Variants in RASEF observed in about 807,000 individuals in gnomAD.
RASEF encodes ras and EF-hand domain-containing protein.
A neutral mutation model predicts 90.1 loss-of-function variants in RASEF; 68 were observed. The observed-to-expected ratio is 0.75, with a 90% CI of 0.62 to 0.92. The LOEUF (loss-of-function observed/expected upper bound fraction) is 0.92, where lower values mean the gene tolerates loss of function less well. RASEF is among the 40% of genes least tolerant of loss of function. The pLI is 0.00. For missense variants in RASEF, 949 were observed against 937.2 expected (o/e 1.01, Z -0.16); for synonymous variants, 331 against 345.2 (o/e 0.96, Z 0.46).
Position 83,015,855 on chromosome 9 carries a change from A to T in RASEF, c.715T>A (p.Tyr239Asn). 6.2e-7 allele frequency: 1 copy of T among 1,614,054 alleles called. No homozygotes were observed. The change falls in exon 4 of 17, where the codon TAT becomes AAT. Residue 239 changes from tyrosine to asparagine, a missense_variant. Physicochemically the swap from Tyr to Asn is moderately radical, Grantham distance 143. This residue lies in a region of RASEF where 656 missense variants were observed against 592.2 expected (regional missense o/e 1.11). Coordinates refer to ENST00000376447, the MANE Select transcript of RASEF (RefSeq NM_152573.4). ...EEALSDLRRQ[Y>N]ETEVGDLQVT... is the part of the protein sequence containing the mutation. ...TGCAGATCTCCTACTTCAGTTTCAT[A>T]CTGACGTCTGAGGTCACTGAGGGCT... is the stretch of plus-strand genomic sequence containing the variant.
chr9:83,015,737 G>A (rs1829331486), intron 4 of RASEF, 68 bp downstream of exon 4: 2 of 1,120,606 alleles, frequency 1.8e-6, no homozygotes, highest in Non-Finnish European at 2.7e-6. Flanking sequence ...AATGTTTTTG[G>A]TTGTTAATGG....
chr9:83,045,666 C>T (rs1416293587), intron 1 of RASEF, among the ~76,000 whole-genome samples: 2 of 152,224 alleles, frequency 1.3e-5, no homozygotes, highest in African/African-American at 4.8e-5. Context: ...GCTGGAGCTT[C>T]CCATGAGTTC....
At chr9:83,001,369 TA>T (rs1034489263) in intron 9 of RASEF, among the ~76,000 whole-genome samples, 5 of 152,036 alleles carry the variant, frequency 3.3e-5, no homozygotes, top group Non-Finnish European at 5.9e-5. Flanking sequence ...ACAAAGCCAT[TA>T]AAAAAATAAT....
chr9:83,185,216 A>G, the RASEF span, among the ~76,000 whole-genome samples: 1 of 152,174 alleles, frequency 6.6e-6, no homozygotes. Flanking sequence ...TGCTTCGAAG[A>G]CAAAGCAAGA....
At chr9:83,154,979 A>T in the RASEF span, among the ~76,000 whole-genome samples, 1 of 152,234 alleles carries the variant, frequency 6.6e-6, no homozygotes, top group African/African-American at 2.4e-5. Context: ...GTCTAGCCTC[A>T]TCTACCAGCC....
the RASEF span, among the ~76,000 whole-genome samples, chr9:83,179,279 T>C: frequency 6.6e-6 from 1 of 152,122 alleles, no homozygotes; most frequent in Non-Finnish European, 1.5e-5. Flanking sequence ...ACACCTACCA[T>C]ACTTGAGAAC....
At chr9:83,185,387 A>C in the RASEF span, among the ~76,000 whole-genome samples, 2 of 146,956 alleles carry the variant, frequency 1.4e-5, no homozygotes, top group African/African-American at 5.0e-5. Flanking sequence ...TGGAGACCCT[A>C]CGGTGCTCAG....
chr9:83,152,905 C>T, the RASEF span, among the ~76,000 whole-genome samples: 1 of 152,294 alleles, frequency 6.6e-6, no homozygotes, highest in East Asian at 1.9e-4. Context: ...TAGCCACAGA[C>T]ACCCCTTCTA....
intron 1 of RASEF, among the ~76,000 whole-genome samples, chr9:83,055,957 C>T (rs753537551): frequency 1.3e-5 from 2 of 152,164 alleles, no homozygotes; most frequent in African/African-American, 2.4e-5. Context: ...GTGTTAGAAA[C>T]TCCTGAGTAT....
At chr9:83,186,921 A>G in the RASEF span, among the ~76,000 whole-genome samples, 2 of 152,202 alleles carry the variant, frequency 1.3e-5, no homozygotes, top group East Asian at 3.9e-4. Flanking sequence ...TAGAGATAGC[A>G]AAGGGTTCAG....
At chr9:83,207,755 G>C in the RASEF span, among the ~76,000 whole-genome samples, 5,093 of 152,158 alleles carry the variant, frequency 0.033, 287 homozygotes, top group African/African-American at 0.12. Context: ...TTACAGGCAT[G>C]TGCCCCCACA....
At chr9:83,138,637 A>G in the RASEF span, among the ~76,000 whole-genome samples, 1 of 152,174 alleles carries the variant, frequency 6.6e-6, no homozygotes, top group East Asian at 1.9e-4. Flanking sequence ...GTCTTTGCCC[A>G]TAGCTCCAAA....
chr9:83,122,352 G>A, the RASEF span, among the ~76,000 whole-genome samples: 5 of 152,216 alleles, frequency 3.3e-5, no homozygotes, highest in African/African-American at 7.2e-5. Flanking sequence ...ATCAAAAGGC[G>A]ATTTAGTAAC....
the RASEF span, among the ~76,000 whole-genome samples, chr9:83,216,951 T>A: frequency 6.6e-6 from 1 of 152,108 alleles, no homozygotes. Context: ...CAACACCAGC[T>A]GTGAAAGCAG....
At chr9:83,150,865 C>T in the RASEF span, among the ~76,000 whole-genome samples, 2 of 152,088 alleles carry the variant, frequency 1.3e-5, no homozygotes, top group Non-Finnish European at 2.9e-5. Flanking sequence ...AAACTGCAAC[C>T]AAAGTGAGCT....
chr9:83,172,780 G>C, the RASEF span, among the ~76,000 whole-genome samples: 1 of 151,878 alleles, frequency 6.6e-6, no homozygotes, highest in African/African-American at 2.4e-5. Flanking sequence ...GCTAAAGATA[G>C]CAGTAGTTGA....
chr9:83,117,936 T>C, the RASEF span, among the ~76,000 whole-genome samples: 1 of 152,222 alleles, frequency 6.6e-6, no homozygotes, highest in Non-Finnish European at 1.5e-5. Context: ...CATGTTTGCT[T>C]CAAGTTTGGC....
the RASEF span, among the ~76,000 whole-genome samples, chr9:83,147,008 ATATG>A: frequency 1.9e-5 from 1 of 51,744 alleles, no homozygotes; most frequent in South Asian, 8.3e-4. Flanking sequence ...GTGCGTGTGT[ATATG>A]TGTGTGTGTG....
At chr9:83,168,993 C>G in the RASEF span, among the ~76,000 whole-genome samples, 2 of 151,960 alleles carry the variant, frequency 1.3e-5, no homozygotes, top group Non-Finnish European at 2.9e-5. Flanking sequence ...CTCATCCCTC[C>G]CTGCTGCCCT....
Sources: allele counts gnomAD v4.1 joint callset (sites outside exome capture counted in the v4.1 genomes callset), GRCh38; gene constraint gnomAD v4.1.1; regional missense constraint gnomAD v4.1.1; transcripts MANE v1.5; gene names NCBI Gene and HGNC (gene_info 2026-07-23, HGNC 2026-07-21).